WDR41: variants seen among roughly 807,000 people sequenced by gnomAD.
The protein encoded by WDR41 is WD repeat-containing protein 41.
A neutral mutation model predicts 69.3 loss-of-function variants in WDR41; 63 were observed. That is an observed-to-expected ratio of 0.91 (90% confidence interval 0.74 to 1.12). WDR41 has a LOEUF of 1.12. Among genes scored for constraint, WDR41 ranks in the 50% most tolerant of loss-of-function variants. WDR41 has a pLI of 0.00. For synonymous variants in WDR41, 185 were observed against 192.1 expected (o/e 0.96, Z 0.31); for missense variants, 543 against 534.5 (o/e 1.02, Z -0.16).
chr5:77,546,010 T>C (rs1743190051), intron 1 of WDR41: 1 of 499,100 alleles, frequency 2.0e-6, no homozygotes, highest in South Asian at 3.4e-5. Context: ...TCTCGGCCCC[T>C]GTGCCCAAGA....
At chr5:77,531,631 C>T (rs1413574536) in intron 1 of WDR41, among the ~76,000 whole-genome samples, 1 of 151,908 alleles carries the variant, frequency 6.6e-6, no homozygotes, top group Non-Finnish European at 1.5e-5. Context: ...CCCCACAATT[C>T]ATTTGTACTC....
intron 7 of WDR41, among the ~76,000 whole-genome samples, chr5:77,450,698 A>G (rs335607): frequency 0.56 from 85,504 of 151,990 alleles, 24,602 homozygotes; most frequent in African/African-American, 0.68. Flanking sequence ...TTAAAAATAC[A>G]CCACTGGACC....
At chr5:77,458,561 A>G (rs908401536) in intron 5 of WDR41, among the ~76,000 whole-genome samples, 1 of 152,158 alleles carries the variant, frequency 6.6e-6, no homozygotes, top group Non-Finnish European at 1.5e-5. Context: ...AGCTTCTGTC[A>G]TATCATTAGC....
intron 2 of WDR41, among the ~76,000 whole-genome samples, chr5:77,468,609 A>C (rs1221669718): frequency 6.6e-6 from 1 of 152,214 alleles, no homozygotes; most frequent in Non-Finnish European, 1.5e-5. Flanking sequence ...TGAAGGTCCC[A>C]AAAATTCAAA....
chr5:77,521,123 G>T (rs1450570333), intron 1 of WDR41, among the ~76,000 whole-genome samples: 1 of 152,144 alleles, frequency 6.6e-6, no homozygotes, highest in Non-Finnish European at 1.5e-5. Context: ...CAACCTTTTT[G>T]GCACCAGGGA....
In WDR41 at chr5:77,432,089, T is replaced by C. The variant is rs528160560; in HGVS notation, c.*1046A>G. ...TCAAAGCTAAAACTAGTAAAAGAAC[T>C]TATGGAGATTCCCTTTAGGGTATAT... On this transcript the variant is annotated 3_prime_UTR_variant, in exon 13 of 13. Transcript: ENST00000296679. The C allele has an allele frequency of 6.6e-5, 10 of 152,328 alleles. No homozygotes were observed. The highest frequency in any genetic ancestry group is 2.4e-4 in the African/African-American group (10 of 41,574). 9.4% of individuals were successfully genotyped at this position (152,328 alleles called of 1,614,324 possible). A position where few individuals can be genotyped will look rare whatever the true frequency, so the allele number is the denominator to read the frequency against.
chr5:77,585,275 A>G (rs1208369388), intron 1 of WDR41, among the ~76,000 whole-genome samples: 2 of 152,210 alleles, frequency 1.3e-5, no homozygotes, highest in African/African-American at 4.8e-5. Flanking sequence ...ACAATGCGAT[A>G]TCACCTCACT....
intron 1 of WDR41, among the ~76,000 whole-genome samples, chr5:77,505,302 T>C (rs951540778): frequency 1.3e-5 from 2 of 151,982 alleles, no homozygotes; most frequent in Non-Finnish European, 2.9e-5. Context: ...GTAAAATACA[T>C]AGGAATCCAA....
At chr5:77,544,618 T>C (rs1237958885) in intron 1 of WDR41, among the ~76,000 whole-genome samples, 1 of 151,922 alleles carries the variant, frequency 6.6e-6, no homozygotes, top group Non-Finnish European at 1.5e-5. Context: ...GAGGAAAATA[T>C]CACAATCCTA....
At chr5:77,487,823 A>G (rs1433959512) in intron 2 of WDR41, among the ~76,000 whole-genome samples, 1 of 152,172 alleles carries the variant, frequency 6.6e-6, no homozygotes, top group Non-Finnish European at 1.5e-5. Flanking sequence ...GGGACTGAAG[A>G]TTGAGTTCAA....
intron 2 of WDR41, among the ~76,000 whole-genome samples, chr5:77,482,519 T>A (rs2125859): frequency 0.065 from 9,871 of 151,944 alleles, 577 homozygotes; most frequent in African/African-American, 0.15. Context: ...ACAGTCTGGG[T>A]TTTTTTTCCT....
chr5:77,444,958 A>G (rs1183263950), intron 8 of WDR41, among the ~76,000 whole-genome samples: 1 of 152,214 alleles, frequency 6.6e-6, no homozygotes, highest in Non-Finnish European at 1.5e-5. Flanking sequence ...TGAAGGAGAC[A>G]GAGACAAGAA....
intron 1 of WDR41, among the ~76,000 whole-genome samples, chr5:77,507,082 A>G (rs1439283558): frequency 6.6e-6 from 1 of 152,210 alleles, no homozygotes; most frequent in Non-Finnish European, 1.5e-5. Flanking sequence ...CATTGAGTAA[A>G]TTCTTGCATT....
chr5:77,482,333 C>G (rs866957394), intron 2 of WDR41, among the ~76,000 whole-genome samples: 8 of 152,192 alleles, frequency 5.3e-5, no homozygotes, highest in African/African-American at 1.7e-4. Flanking sequence ...AGTCAATGAT[C>G]AAATTTAGCT....
At chr5:77,500,803 T>C (rs1802005878) in intron 1 of WDR41, among the ~76,000 whole-genome samples, 1 of 152,232 alleles carries the variant, frequency 6.6e-6, no homozygotes, top group Non-Finnish European at 1.5e-5. Context: ...GCAGACGAAC[T>C]AGAATGTGCT....
At chr5:77,482,474 T>A (rs1033138902) in intron 2 of WDR41, among the ~76,000 whole-genome samples, 5 of 152,174 alleles carry the variant, frequency 3.3e-5, no homozygotes, top group African/African-American at 1.2e-4. Flanking sequence ...AATTTATTTG[T>A]TGAAAAAAAA....
At chr5:77,605,793 T>A (rs1744404973) in intron 1 of WDR41, among the ~76,000 whole-genome samples, 8 of 152,172 alleles carry the variant, frequency 5.3e-5, no homozygotes, top group Admixed American at 5.2e-4. Context: ...CCATTATCTG[T>A]CAAATAACCC....
At chr5:77,452,031 T>A (rs1255407633) in intron 6 of WDR41, 1 of 118,310 alleles carries the variant, frequency 8.5e-6, no homozygotes. Context: ...AAAAAAAACC[T>A]GTTTAATTTT....
chr5:77,457,790 C>A (rs1799893219), intron 5 of WDR41, among the ~76,000 whole-genome samples: 1 of 138,496 alleles, frequency 7.2e-6, no homozygotes, highest in East Asian at 2.3e-4. Context: ...AACCACTGAA[C>A]TAAATGAGTG....
Sources: allele counts gnomAD v4.1 joint callset (sites outside exome capture counted in the v4.1 genomes callset), GRCh38; gene constraint gnomAD v4.1.1; transcripts MANE v1.5; gene names NCBI Gene and HGNC (gene_info 2026-07-23, HGNC 2026-07-21).